Variants in SFMBT2 observed in about 807,000 individuals in gnomAD.
The protein encoded by SFMBT2 is Scm like with four mbt domains 2.
Under a neutral mutation model 110.1 loss-of-function variants are expected in SFMBT2, and 38 were observed. The observed-to-expected ratio is 0.35, with a 90% CI of 0.27 to 0.45. The LOEUF is 0.45. Among genes scored for constraint, SFMBT2 ranks in the 20% least tolerant of loss-of-function variants. The probability of loss-of-function intolerance (pLI) is 1.00; values close to 1 mark genes in which losing one functional copy is unlikely to be tolerated. For synonymous variants in SFMBT2, 425 were observed against 425.4 expected (o/e 1.00, Z 0.01); for missense variants, 1,011 against 1,094.9 (o/e 0.92, Z 1.08).
At chr10:7,207,377 G>GAAGA (rs1839174307) in intron 11 of SFMBT2, among the ~76,000 whole-genome samples, 1 of 149,248 alleles carries the variant, frequency 6.7e-6, no homozygotes, top group African/African-American at 2.5e-5. Flanking sequence ...AGAAAGGAAG[G>GAAGA]AAGGAAGAAA....
At chr10:7,235,429 C>T (rs1450121066) in intron 9 of SFMBT2, among the ~76,000 whole-genome samples, 5 of 152,026 alleles carry the variant, frequency 3.3e-5, no homozygotes. Flanking sequence ...ATGCAAAATG[C>T]CTTATCAGGA....
intron 9 of SFMBT2, among the ~76,000 whole-genome samples, chr10:7,232,035 G>A (rs1840120845): frequency 6.6e-6 from 1 of 152,162 alleles, no homozygotes; most frequent in Non-Finnish European, 1.5e-5. Flanking sequence ...CAGCAGAGGG[G>A]AGAAGAAAAT....
intron 11 of SFMBT2, among the ~76,000 whole-genome samples, chr10:7,216,426 G>A (rs10795532): frequency 0.26 from 40,194 of 152,060 alleles, 5,714 homozygotes; most frequent in South Asian, 0.4. Flanking sequence ...CTCTCCTGCC[G>A]CCGCCATGTA....
intron 11 of SFMBT2, among the ~76,000 whole-genome samples, chr10:7,216,200 C>G (rs927388551): frequency 3.3e-5 from 5 of 152,216 alleles, no homozygotes; most frequent in Admixed American, 2.0e-4. Flanking sequence ...CCATCGCAGA[C>G]CGCAGATCAT....
At chr10:7,323,383 G>T (rs1371110033) in intron 4 of SFMBT2, among the ~76,000 whole-genome samples, 1 of 149,740 alleles carries the variant, frequency 6.7e-6, no homozygotes, top group Non-Finnish European at 1.5e-5. Context: ...CCCAGGAGGC[G>T]GAGGTTGCAG....
rs1419496295 is a variant in SFMBT2, at chr10:7,172,413, C to G, written c.2151+82G>C. 6.2e-7 allele frequency: 1 copy of G among 1,601,158 alleles called. No individual in the cohort carries two copies. Among genetic ancestry groups the G allele is most frequent in the African/African-American group, 1.3e-5 (1 of 74,694 alleles). ...ATCTTGCCACAATCTCCAGGGCCAC[C>G]TCTGCTGTGAAGCAGCCACACTTGC... On this transcript the variant is annotated intron_variant, in intron 18 of 20. Coordinates refer to ENST00000397167, the MANE Select transcript of SFMBT2 (RefSeq NM_001387889.1). The surrounding 1 kb of genome is among the most constrained non-coding windows in gnomAD (Gnocchi z 4.6).
intron 4 of SFMBT2, among the ~76,000 whole-genome samples, chr10:7,341,659 T>A (rs1031890560): frequency 6.6e-6 from 1 of 152,218 alleles, no homozygotes; most frequent in Non-Finnish European, 1.5e-5. Context: ...GCAATTATTC[T>A]ACACACACAT....
rs1837847637 is a variant in SFMBT2, at chr10:7,170,690, T to A, written c.2544+238A>T. Among the ~76,000 whole-genome samples the A allele has an allele frequency of 6.6e-6, 1 of 151,816 alleles. No individual in the cohort carries two copies. Among genetic ancestry groups the A allele is most frequent in the Non-Finnish European group, 1.5e-5 (1 of 67,904 alleles). ...CACTAGAGCCTGGAAGAGTCACCCC[T>A]CCGCCCCCCACCATGGCACTGGTGG... is the stretch of plus-strand genomic sequence containing the variant. On this transcript the variant is annotated intron_variant, in intron 20 of 20. Coordinates refer to ENST00000397167, the MANE Select transcript of SFMBT2 (RefSeq NM_001387889.1). The surrounding 1 kb of genome is among the most constrained non-coding windows in gnomAD (Gnocchi z 4.6).
At chr10:7,388,007 T>C (rs1389833940) in intron 1 of SFMBT2, among the ~76,000 whole-genome samples, 1 of 150,904 alleles carries the variant, frequency 6.6e-6, no homozygotes, top group Non-Finnish European at 1.5e-5. Flanking sequence ...GCAAACAGCA[T>C]GGCAGACCCT....
intron 11 of SFMBT2, among the ~76,000 whole-genome samples, chr10:7,210,730 G>A (rs893682166): frequency 6.6e-6 from 1 of 152,228 alleles, no homozygotes; most frequent in Non-Finnish European, 1.5e-5. Flanking sequence ...CTCTGGGCGT[G>A]TTCCCTTTGC....
rs185797236 is a variant in SFMBT2 at position 7,215,679 on chromosome 10, C to T, written c.1330+4732G>A. The T allele has an allele frequency of 1.5e-3, 1,520 of 985,418 alleles. 11 individuals are homozygous for T. Among genetic ancestry groups the T allele is most frequent in the African/African-American group, 1.6e-3 (92 of 57,362 alleles). The allele number at this position is 985,418 out of a possible 1,614,324, so 61.0% of individuals were successfully genotyped here. A position where few individuals can be genotyped will look rare whatever the true frequency, so the allele number is the denominator to read the frequency against. On this transcript the variant is annotated intron_variant, in intron 11 of 20. Transcript: ENST00000397167. ...ACAGAACCCTGCAGGGAGGAGAGTC[C>T]GCTGCAGGTGCCAGAGGGCGGCTGG...
At chr10:7,204,868 C>A in intron 12 of SFMBT2, 1 of 919,916 alleles carries the variant, frequency 1.1e-6, no homozygotes, top group Non-Finnish European at 1.3e-6. Flanking sequence ...AGCGAAACTC[C>A]ATCTTTAAAA....
intron 4 of SFMBT2, among the ~76,000 whole-genome samples, chr10:7,319,642 A>G (rs552712828): frequency 4.2e-5 from 6 of 142,222 alleles, no homozygotes; most frequent in Admixed American, 1.3e-4. Flanking sequence ...GGTGCTACCA[A>G]AGAGAGAGAC....
chr10:7,229,891 T>C (rs1346536190), intron 9 of SFMBT2, among the ~76,000 whole-genome samples: 1 of 151,566 alleles, frequency 6.6e-6, no homozygotes, highest in Non-Finnish European at 1.5e-5. Flanking sequence ...TGGCTAATTT[T>C]TATTTTTCAT....
chr10:7,178,644 C>T (rs1303439794), intron 16 of SFMBT2, among the ~76,000 whole-genome samples: 1 of 152,150 alleles, frequency 6.6e-6, no homozygotes, highest in Non-Finnish European at 1.5e-5. Context: ...TTGCTCATCA[C>T]TTTTAAGAAA....
At chr10:7,388,591 G>A (rs1325774909) in intron 1 of SFMBT2, among the ~76,000 whole-genome samples, 1 of 146,432 alleles carries the variant, frequency 6.8e-6, no homozygotes, top group African/African-American at 2.6e-5. Context: ...GGCCAGGCTG[G>A]TCTCAAACTC....
At chr10:7,165,995 G>A (rs905792823) in intron 20 of SFMBT2, among the ~76,000 whole-genome samples, 1 of 152,186 alleles carries the variant, frequency 6.6e-6, no homozygotes, top group Non-Finnish European at 1.5e-5. Context: ...TACACCAAGA[G>A]GGCATGGGTG....
intron 7 of SFMBT2, among the ~76,000 whole-genome samples, chr10:7,252,164 T>G (rs1325762798): frequency 6.6e-6 from 1 of 152,154 alleles, no homozygotes; most frequent in Non-Finnish European, 1.5e-5. Flanking sequence ...ACACCCATCT[T>G]TTATCTCATA....
At chr10:7,373,519 A>T (rs999625236) in intron 2 of SFMBT2, among the ~76,000 whole-genome samples, 1 of 152,222 alleles carries the variant, frequency 6.6e-6, no homozygotes, top group African/African-American at 2.4e-5. Flanking sequence ...CAGAAAGGAC[A>T]GGGAATCACC....
Sources: allele counts gnomAD v4.1 joint callset (sites outside exome capture counted in the v4.1 genomes callset), GRCh38; gene constraint gnomAD v4.1.1; non-coding constraint Gnocchi (gnomAD v3.1); transcripts MANE v1.5; gene names NCBI Gene and HGNC (gene_info 2026-07-23, HGNC 2026-07-21).